SVEP1: variants seen among roughly 807,000 people sequenced by gnomAD.
The protein encoded by SVEP1 is sushi, von Willebrand factor type A, EGF and pentraxin domain-containing protein 1.
Under a neutral mutation model 367.3 loss-of-function variants are expected in SVEP1, and 164 were observed. The observed-to-expected ratio is 0.45, with a 90% CI of 0.39 to 0.51. The LOEUF is 0.51. Among genes scored for constraint, SVEP1 ranks in the 20% least tolerant of loss-of-function variants. SVEP1 has a pLI of 0.00. For missense variants in SVEP1, 4,117 were observed against 4,425.3 expected, an observed-to-expected ratio of 0.93 and a Z score of 1.98; for synonymous variants, 1,666 against 1,611.6, an observed-to-expected ratio of 1.03 and a Z score of -0.81.
intron 40 of SVEP1, among the ~76,000 whole-genome samples, chr9:110,393,538 A>T (rs1278911249): frequency 6.6e-6 from 1 of 152,176 alleles, no homozygotes; most frequent in Non-Finnish European, 1.5e-5. Context: ...TGCACTGTGC[A>T]CAAGCCAAAG....
intron 28 of SVEP1, 125 bp downstream of exon 28, chr9:110,436,255 T>C (rs573099424): frequency 1.6e-6 from 2 of 1,237,810 alleles, no homozygotes; most frequent in East Asian, 2.4e-5. Flanking sequence ...CATCAAATGA[T>C]ACTGGTGATA....
intron 9 of SVEP1, among the ~76,000 whole-genome samples, chr9:110,486,282 CA>C (rs1829275681): frequency 6.6e-6 from 1 of 152,174 alleles, no homozygotes; most frequent in South Asian, 2.1e-4. Flanking sequence ...TGATTTTATT[CA>C]GACATTTTAA....
At chr9:110,556,131 T>C (rs188003865) in intron 1 of SVEP1, among the ~76,000 whole-genome samples, 1 of 152,270 alleles carries the variant, frequency 6.6e-6, no homozygotes, top group Non-Finnish European at 1.5e-5. Flanking sequence ...AAGCCTCCGA[T>C]TAGCTTGTAT....
At position 110,389,574 on chromosome 9, in the gene SVEP1, C is replaced by T. The variant is rs550607864; in HGVS notation, c.9836G>A (p.Arg3279His). The stretch of plus-strand genomic sequence containing the variant: ...CCACTGTCTGTTCTCCTGGCAGACA[C>T]GTTCCCTGTTCCCCTGTGAAACAAT... ...PGYELEGNRE[R>H]VCQENRQWSG... The change falls in exon 41 of 48, where the codon CGT (arginine) becomes CAT (histidine). Residue 3279 changes from arginine to histidine, a missense_variant. Around this residue, in one of 4 missense-constraint regions of SVEP1, gnomAD observed 1,765 missense variants for 1,781.1 expected, o/e 0.99. Coordinates refer to ENST00000374469, the MANE Select transcript of SVEP1 (RefSeq NM_153366.4). The T allele has an allele frequency of 1.3e-4, 206 of 1,613,710 alleles. No individual in the cohort carries two copies. Among genetic ancestry groups the T allele is most frequent in the Non-Finnish European group, 1.5e-4 (181 of 1,179,744 alleles).
rs768500490 is a variant in SVEP1, at chr9:110,404,336, T to G, written c.9657A>C (p.Ser3219=). 1 of 1,613,902 alleles carries G rather than the reference T, an allele frequency of 6.2e-7. No individual in the cohort carries two copies. Among genetic ancestry groups the G allele is most frequent in the South Asian group, 1.1e-5 (1 of 91,080 alleles). Residue 3219 remains serine (S), a synonymous_variant, in exon 39 of 48, where the codon TCA becomes TCC. Transcript: ENST00000374469. ...TAAGACAGAATCTTACCTGACATAC[T>G]GATATGTTAACTCCCTCAAAGGTAT... is the stretch of plus-strand genomic sequence containing the variant. ...EGYTFEGVNI[S]VCQLDGTWEP... is the part of the protein sequence containing the mutation.
Position 110,411,577 on chromosome 9 carries a change from T to C in SVEP1, c.6134A>G (p.Tyr2045Cys), listed in dbSNP as rs1313810799. 1.2e-6 allele frequency: 2 copies of C among 1,613,954 alleles called. No homozygotes were observed. The highest frequency in any genetic ancestry group is 1.7e-5 in the Admixed American group (1 of 60,002). ...TAGGCTGTAACCATCAGAGCAGTAG[T>C]AGAATGCAATGTCTCCAAAGAGCCG... The part of the protein sequence containing the change: ...AHRLFGDIAF[Y>C]YCSDGYSLAD... The change falls in exon 37 of 48, where the codon TAC becomes TGC. Residue 2045 changes from tyrosine (Y) to cysteine (C), a missense_variant. By Grantham distance (194) the Tyr-to-Cys change is radical. Transcript: ENST00000374469.
intron 1 of SVEP1, among the ~76,000 whole-genome samples, chr9:110,552,806 C>T (rs528729590): frequency 6.6e-6 from 1 of 152,210 alleles, no homozygotes; most frequent in African/African-American, 2.4e-5. Context: ...TACTGGGGCC[C>T]CCTGCAGTAG....
Position 110,563,326 on chromosome 9 carries a change from AGAGT to A in SVEP1, c.532-13226_532-13223del, listed in dbSNP as rs558010139. 3.7e-3 allele frequency among the ~76,000 whole-genome samples: 565 copies of A among 152,334 alleles called. 2 individuals carry two copies. The highest frequency in any genetic ancestry group is 0.013 in the African/African-American group (538 of 41,586). On this transcript the variant is annotated intron_variant, in intron 1 of 47. Transcript: ENST00000374469. Reference sequence around the variant, plus strand: ...TACATATGCCCACACATACATAAAAAGAGTGAGAGACAAAAACTGTAATTATTAT... The same window carrying A: ...TACATATGCCCACACATACATAAAAAGAGAGACAAAAACTGTAATTATTAT...
At chr9:110,391,165 T>TGAATCA (rs1016461860) in intron 40 of SVEP1, among the ~76,000 whole-genome samples, 16 of 152,336 alleles carry the variant, frequency 1.1e-4, no homozygotes, top group Admixed American at 7.8e-4. Context: ...ATAATTCTGT[T>TGAATCA]GAATCAGTAC....
chr9:110,433,465 CTTTTTTTT>C (rs11300153), intron 30 of SVEP1, among the ~76,000 whole-genome samples: 5 of 120,038 alleles, frequency 4.2e-5, no homozygotes, highest in Non-Finnish European at 6.7e-5. Flanking sequence ...TTTTGTATTA[CTTTTTTTT>C]TTTTTTTTTT....
At chr9:110,410,597 C>T (rs1828029836) in intron 37 of SVEP1, among the ~76,000 whole-genome samples, 1 of 152,118 alleles carries the variant, frequency 6.6e-6, no homozygotes, top group Non-Finnish European at 1.5e-5. Flanking sequence ...AAGCTGTTGC[C>T]ACAAAGCACT....
intron 9 of SVEP1, among the ~76,000 whole-genome samples, chr9:110,486,657 T>C (rs200065353): frequency 0.03 from 504 of 16,758 alleles, 3 homozygotes; most frequent in Non-Finnish European, 0.04. Flanking sequence ...CTCTCTCTCT[T>C]TTTTTTTTTA....
At chr9:110,425,773 G>A (rs1197893947) in intron 36 of SVEP1, among the ~76,000 whole-genome samples, 2 of 152,092 alleles carry the variant, frequency 1.3e-5, no homozygotes, top group East Asian at 3.8e-4. Context: ...AAGAGGAAAA[G>A]GTATAAATCT....
Position 110,533,603 on chromosome 9 carries a change from T to TGTGTGA in SVEP1, c.964+12511_964+12512insTCACAC, listed in dbSNP as rs1200423825. On this transcript the variant is annotated intron_variant, in intron 3 of 47. Coordinates refer to ENST00000374469, the MANE Select transcript of SVEP1 (RefSeq NM_153366.4). Reference sequence around the variant, plus strand: ...TACTATCTCTGTGTGTCTGTGTGTGTGTGTGCACGCACACGTGTGTGTGTA... The same window carrying TGTGTGA: ...TACTATCTCTGTGTGTCTGTGTGTGTGTGTGAGTGTGCACGCACACGTGTGTGTGTA... Among the ~76,000 whole-genome samples, 706 of 108,324 alleles carry TGTGTGA rather than the reference T, an allele frequency of 6.5e-3. 6 individuals carry two copies. The highest frequency in any genetic ancestry group is 0.022 in the African/African-American group (680 of 30,278). The allele number at this position is 108,324 out of a possible 152,430, so 71.1% of individuals were successfully genotyped here. A position where few individuals can be genotyped will look rare whatever the true frequency, so the allele number is the denominator to read the frequency against.
chr9:110,490,758 C>T (rs1488448121), intron 8 of SVEP1, among the ~76,000 whole-genome samples: 1 of 152,024 alleles, frequency 6.6e-6, no homozygotes, highest in African/African-American at 2.4e-5. Flanking sequence ...TAAATATCAT[C>T]AATTTTTGGT....
chr9:110,407,973 C>T lies in SVEP1; in HGVS notation c.7627G>A (p.Asp2543Asn), dbSNP rs368538026. 6.2e-7 allele frequency: 1 copy of T among 1,614,028 alleles called. No individual in the cohort carries two copies. Among genetic ancestry groups the T allele is most frequent in the Non-Finnish European group, 8.5e-7 (1 of 1,179,896 alleles). ...PSALTCLETG[D>N]WDVDAPSCNA... The stretch of plus-strand genomic sequence containing the variant: ...CAAGATGGGGCATCTACATCCCAAT[C>T]ACCTGTCTCTAAACAGGTCAAGGCA... The change falls in exon 38 of 48, where the codon GAT becomes AAT. Residue 2543 changes from aspartate to asparagine, a missense_variant. By Grantham distance (23) the Asp-to-Asn change is conservative. Around this residue, in one of 4 missense-constraint regions of SVEP1, gnomAD observed 1,765 missense variants for 1,781.1 expected, o/e 0.99. Transcript: ENST00000374469.
At chr9:110,492,079 A>G (rs1829374309) in intron 8 of SVEP1, among the ~76,000 whole-genome samples, 1 of 151,542 alleles carries the variant, frequency 6.6e-6, no homozygotes, top group South Asian at 2.1e-4. Context: ...GAAATAAAAG[A>G]TGTTCTTGTA....
chr9:110,404,061 G>C (rs1054734197), intron 39 of SVEP1, among the ~76,000 whole-genome samples: 2 of 152,058 alleles, frequency 1.3e-5, no homozygotes, highest in East Asian at 1.9e-4. Context: ...CTTTTAATAA[G>C]ATTTGTGGTT....
rs1217501241 is a variant in SVEP1, at chr9:110,514,123, C to T, written c.965-17G>A. ...ATGGGCAAGCTGTGGGCAGACAAGC[C>T]GGAGAAGTCCATGTTATGTGGCACA... On this transcript the variant is annotated splice_polypyrimidine_tract_variant and intron_variant, in intron 3 of 47. Coordinates refer to ENST00000374469, the MANE Select transcript of SVEP1 (RefSeq NM_153366.4). 3.1e-6 allele frequency: 5 copies of T among 1,602,978 alleles called. No individual in the cohort carries two copies. Among genetic ancestry groups the T allele is most frequent in the Admixed American group, 1.7e-5 (1 of 58,452 alleles).
Sources: gnomAD v4.1 joint callset for allele counts (sites outside exome capture counted in the v4.1 genomes callset) on GRCh38, gnomAD v4.1.1 for gene constraint, gnomAD v4.1.1 regional missense constraint, MANE v1.5 for transcripts, NCBI Gene and HGNC (gene_info 2026-07-23, HGNC 2026-07-21) for gene names.